The following PIK3C2G variants were observed in gnomAD, a reference collection of about 807,000 sequenced individuals.
The protein encoded by PIK3C2G is phosphatidylinositol-4-phosphate 3-kinase catalytic subunit type 2 gamma, also known as phosphatidylinositol 3-kinase C2 domain-containing subunit gamma.
In PIK3C2G, 168 loss-of-function variants were observed where a neutral mutation model predicts 181.1. The observed-to-expected ratio is 0.93, with a 90% confidence interval of 0.82 to 1.05. PIK3C2G has a LOEUF of 1.05. Among genes scored for constraint, PIK3C2G ranks in the 50% least tolerant of loss-of-function variants. The pLI, the probability that PIK3C2G is intolerant of heterozygous loss-of-function variation, is 0.00. For synonymous variants in PIK3C2G, 573 were observed against 592.2 expected, an observed-to-expected ratio of 0.97 and a Z score of 0.47; for missense variants, 1,869 against 1,732.8, an observed-to-expected ratio of 1.08 and a Z score of -1.40.
intron 26 of PIK3C2G, among the ~76,000 whole-genome samples, chr12:18,559,737 A>AGATCAAAG (rs1170961145): frequency 7.0e-6 from 1 of 141,916 alleles, no homozygotes; most frequent in African/African-American, 2.6e-5. Context: ...TGGAGGGAGG[A>AGATCAAAG]GATCAAAGGA....
intron 8 of PIK3C2G, among the ~76,000 whole-genome samples, chr12:18,336,989 A>T (rs959064640): frequency 6.6e-6 from 1 of 152,166 alleles, no homozygotes; most frequent in African/African-American, 2.4e-5. Context: ...AGAATTAAAA[A>T]TTTTTTATGC....
intron 12 of PIK3C2G, among the ~76,000 whole-genome samples, chr12:18,366,537 T>A (rs574891085): frequency 5.9e-4 from 90 of 152,120 alleles, no homozygotes; most frequent in African/African-American, 2.0e-3. Flanking sequence ...CTCAAAAAAA[T>A]AAATAAATAA....
At chr12:18,572,145 T>G (rs1945978112) in intron 29 of PIK3C2G, among the ~76,000 whole-genome samples, 1 of 141,128 alleles carries the variant, frequency 7.1e-6, no homozygotes, top group Non-Finnish European at 1.5e-5. Flanking sequence ...GTGTCTTATA[T>G]TATTTACAAA....
chr12:18,371,136 A>C (rs1040325839), intron 12 of PIK3C2G, 44 bp from the exon 13 acceptor site: 1 of 1,467,370 alleles, frequency 6.8e-7, no homozygotes. Flanking sequence ...TTAAAATATC[A>C]GTACAATTGG....
chr12:18,596,685 GC>G (rs1565545254), intron 30 of PIK3C2G, among the ~76,000 whole-genome samples: 1 of 152,036 alleles, frequency 6.6e-6, no homozygotes, highest in Non-Finnish European at 1.5e-5. Context: ...GCAAACACAA[GC>G]TTTCAATCAT....
At chr12:18,506,492 G>C (rs1016146428) in intron 24 of PIK3C2G, among the ~76,000 whole-genome samples, 1 of 152,188 alleles carries the variant, frequency 6.6e-6, no homozygotes, top group African/African-American at 2.4e-5. Flanking sequence ...GACAGATTCA[G>C]AATATATTTT....
At chr12:18,724,652 C>T in the PIK3C2G span, among the ~76,000 whole-genome samples, 2 of 151,974 alleles carry the variant, frequency 1.3e-5, no homozygotes, top group African/African-American at 4.8e-5. Context: ...GCGTATTGTT[C>T]ATTACCTTAC....
upstream of PIK3C2G, among the ~76,000 whole-genome samples, chr12:18,258,226 A>C (rs73056485): frequency 0.21 from 32,625 of 152,102 alleles, 3,723 homozygotes; most frequent in African/African-American, 0.29. Flanking sequence ...TGACATATAC[A>C]TTGTGGAGTG....
intron 1 of PIK3C2G, among the ~76,000 whole-genome samples, chr12:18,250,713 T>C (rs1948087793): frequency 6.6e-6 from 1 of 151,976 alleles, no homozygotes; most frequent in African/African-American, 2.4e-5. Context: ...AGTACAACAA[T>C]TTAGAAAGTG....
At chr12:18,467,084 A>G (rs956862370) in intron 18 of PIK3C2G, among the ~76,000 whole-genome samples, 1 of 151,986 alleles carries the variant, frequency 6.6e-6, no homozygotes. Flanking sequence ...TAACTTTACT[A>G]TTGTCATTCA....
intron 15 of PIK3C2G, among the ~76,000 whole-genome samples, chr12:18,393,290 A>T (rs1228635483): frequency 6.6e-6 from 1 of 152,112 alleles, no homozygotes; most frequent in Non-Finnish European, 1.5e-5. Flanking sequence ...TAAAATTATT[A>T]ATGATCAGTG....
At chr12:18,420,640 C>T (rs1945429703) in intron 16 of PIK3C2G, among the ~76,000 whole-genome samples, 1 of 151,986 alleles carries the variant, frequency 6.6e-6, no homozygotes, top group Non-Finnish European at 1.5e-5. Flanking sequence ...TTTCATACTA[C>T]TTTAGAAAAG....
At chr12:18,597,411 A>G (rs1434710588) in intron 30 of PIK3C2G, among the ~76,000 whole-genome samples, 2 of 152,120 alleles carry the variant, frequency 1.3e-5, no homozygotes, top group African/African-American at 4.8e-5. Context: ...TTAGCAAAAG[A>G]CTTTCTTTAA....
In PIK3C2G at chr12:18,639,260, A is replaced by G. The variant is rs181893548; in HGVS notation, c.4183-1169A>G. ...ATAAAATTTAGTCCTATAATAATAT[A>G]TATCATATTTTCTTGCTTTACTACA... On this transcript the variant is annotated intron_variant, in intron 31 of 32. Transcript: ENST00000538779. 8.5e-4 allele frequency among the ~76,000 whole-genome samples: 129 copies of G among 152,276 alleles called. 3 individuals are homozygous for G. The highest frequency in any genetic ancestry group is 8.8e-5 in the Non-Finnish European group (6 of 68,024).
Position 18,325,106 on chromosome 12 carries a change from CT to C in PIK3C2G, c.1272+12del, listed in dbSNP as rs778949550. ...TACCTATTGAAAACCCAGGTATTGACTTTTGTTACTTTATCCATCAATTCAG... is the reference window on the plus strand; with the variant it reads ...TACCTATTGAAAACCCAGGTATTGACTTTGTTACTTTATCCATCAATTCAG... On this transcript the variant is annotated intron_variant, in intron 8 of 32. Transcript: ENST00000538779. The C allele has an allele frequency of 1.4e-6, 2 of 1,477,566 alleles. No individual in the cohort carries two copies. The highest frequency in any genetic ancestry group is 1.9e-6 in the Non-Finnish European group (2 of 1,065,784). 91.5% of individuals were successfully genotyped at this position (1,477,566 alleles called of 1,614,324 possible). A position where few individuals can be genotyped will look rare whatever the true frequency, so the allele number is the denominator to read the frequency against.
At chr12:18,601,952 G>A (rs1947741362) in intron 30 of PIK3C2G, among the ~76,000 whole-genome samples, 1 of 152,128 alleles carries the variant, frequency 6.6e-6, no homozygotes, top group East Asian at 1.9e-4. Context: ...CAGTGGGGTG[G>A]CCAGAGGAGG....
intron 12 of PIK3C2G, among the ~76,000 whole-genome samples, 192 bp from the exon 13 acceptor site, chr12:18,370,988 T>A (rs1942016197): frequency 6.6e-6 from 1 of 152,174 alleles, no homozygotes; most frequent in African/African-American, 2.4e-5. Context: ...TTTCATCGAT[T>A]AACAAAATCT....
At chr12:18,695,106 G>A in the PIK3C2G span, 8 of 1,596,762 alleles carry the variant, frequency 5.0e-6, no homozygotes, top group Non-Finnish European at 6.9e-6. Context: ...TTTTGACATT[G>A]TCAGGTAATA....
At chr12:18,614,257 G>A (rs2136626441) in intron 31 of PIK3C2G, among the ~76,000 whole-genome samples, 1 of 152,164 alleles carries the variant, frequency 6.6e-6, no homozygotes, top group African/African-American at 2.4e-5. Flanking sequence ...ACAAAGCAAA[G>A]GATAGTGAAG....
Sources: allele counts gnomAD v4.1 joint callset (sites outside exome capture counted in the v4.1 genomes callset), GRCh38; gene constraint gnomAD v4.1.1; transcripts MANE v1.5; gene names NCBI Gene and HGNC (gene_info 2026-07-23, HGNC 2026-07-21).